Variants in AATK observed in about 807,000 individuals in gnomAD.
AATK encodes lemur tail kinase 1.
Under a neutral mutation model 114.3 loss-of-function variants are expected in AATK, and 91 were observed. The observed-to-expected ratio is 0.80, with a 90% CI of 0.67 to 0.95. The LOEUF is 0.95. AATK is among the 40% of genes least tolerant of loss of function. The probability of loss-of-function intolerance (pLI) is 0.00; values close to 1 mark genes in which losing one functional copy is unlikely to be tolerated. For missense variants in AATK, 2,176 were observed against 1,965.2 expected, an observed-to-expected ratio of 1.11 and a Z score of -2.03; for synonymous variants, 1,075 against 916.5, an observed-to-expected ratio of 1.17 and a Z score of -3.12.
chr17:81,123,827 G>A (rs927725775), intron 9 of AATK, among the ~76,000 whole-genome samples: 7 of 152,188 alleles, frequency 4.6e-5, no homozygotes, highest in Non-Finnish European at 7.4e-5. Context: ...GCGTGCAGGC[G>A]GGTAGGGTAA....
intron 9 of AATK, 48 bp downstream of exon 9, chr17:81,124,679 G>A: frequency 1.3e-6 from 2 of 1,597,892 alleles, no homozygotes; most frequent in South Asian, 1.1e-5. Context: ...GGGTGGGCAG[G>A]TGGCACTCGG....
intron 1 of AATK, among the ~76,000 whole-genome samples, chr17:81,159,334 G>C (rs973935331): frequency 4.6e-5 from 7 of 152,132 alleles, no homozygotes; most frequent in Non-Finnish European, 8.8e-5. Context: ...GGAGGGCGCC[G>C]GCGGCCTGCG....
In AATK at chr17:81,156,236, C is replaced by T. The variant is rs182540306; in HGVS notation, c.55+9702G>A. The stretch of plus-strand genomic sequence containing the variant: ...TGTTACCATGTTACAATGTATGTTA[C>T]TATGTTACAATGTATGTTACCATGT... On this transcript the variant is annotated intron_variant, in intron 1 of 13. Transcript: ENST00000326724. Among the ~76,000 whole-genome samples the T allele has an allele frequency of 1.3e-4, 20 of 150,276 alleles. No individual in the cohort carries two copies. The East Asian group carries it at 3.1e-3, about 24-fold the overall frequency.
chr17:81,119,540 C>A lies in AATK; in HGVS notation c.3924G>T (p.Thr1308=). 1 of 1,580,254 alleles carries A rather than the reference C, an allele frequency of 6.3e-7. No homozygotes were observed. The change falls in exon 13 of 14, where the codon ACG becomes ACT. Residue 1308 remains threonine (T), a synonymous_variant. Transcript: ENST00000326724. The part of the protein sequence containing the change: ...FAWDDDFPLM[T]AKAAFAMALD... Reference sequence around the variant, plus strand: ...GGGCCATGGCGAAGGCTGCCTTGGCCGTCATCAGCGGGAAGTCGTCGTCCC... The same window carrying A: ...GGGCCATGGCGAAGGCTGCCTTGGCAGTCATCAGCGGGAAGTCGTCGTCCC...
rs375456982 is a variant in AATK, at chr17:81,120,377, T to C, written c.3559A>G (p.Ser1187Gly). The change falls in exon 11 of 14, where the codon AGC (serine) becomes GGC (glycine). Residue 1187 changes from serine (S) to glycine (G), a missense_variant. Coordinates refer to ENST00000326724, the MANE Select transcript of AATK (RefSeq NM_001080395.3). ...GGCACCGCCGGCGCCTCCTCTTCGC[T>C]GTCCTCGCTAGGCTCCTGGACGCTG... ...CYSVQEPSEDSEEEAPAVPVV... is the reference protein window; with the variant it reads ...CYSVQEPSEDGEEEAPAVPVV... 1.2e-6 allele frequency: 2 copies of C among 1,608,376 alleles called. No homozygotes were observed. The highest frequency in any genetic ancestry group is 1.7e-6 in the Non-Finnish European group (2 of 1,177,996).
intron 10 of AATK, 57 bp from the exon 11 acceptor site, chr17:81,122,880 C>T (rs1205302459): frequency 7.2e-7 from 1 of 1,382,482 alleles, no homozygotes; most frequent in African/African-American, 1.5e-5. Flanking sequence ...GGAACGCGTC[C>T]CTGGAGCAGG....
At chr17:81,153,607 G>A (rs1296121146) in intron 1 of AATK, among the ~76,000 whole-genome samples, 6 of 152,296 alleles carry the variant, frequency 3.9e-5, no homozygotes, top group East Asian at 3.9e-4. Flanking sequence ...ATGAGAGGAT[G>A]CTTTGTGATG....
chr17:81,140,695 T>G (rs1422027890), intron 1 of AATK, among the ~76,000 whole-genome samples: 887 of 37,158 alleles, frequency 0.024, 6 homozygotes, highest in Middle Eastern at 0.077. Flanking sequence ...GTGGGGCCGT[T>G]GAGCTGTGGG....
At chr17:81,153,368 C>G (rs6565542) in intron 1 of AATK, among the ~76,000 whole-genome samples, 24,318 of 152,094 alleles carry the variant, frequency 0.16, 2,867 homozygotes, top group African/African-American at 0.33. Flanking sequence ...TTCTAACAGT[C>G]AATTTGAAGA....
rs978008842 is a variant in AATK, at chr17:81,126,905, A to C, written c.622-345T>G. The C allele has an allele frequency of 9.2e-7, 1 of 1,085,054 alleles. No homozygotes were observed. Among genetic ancestry groups the C allele is most frequent in the Non-Finnish European group, 1.1e-6 (1 of 877,486 alleles). 67.2% of individuals were successfully genotyped at this position (1,085,054 alleles called of 1,614,324 possible). On this transcript the variant is annotated intron_variant, in intron 6 of 13. Coordinates refer to ENST00000326724, the MANE Select transcript of AATK (RefSeq NM_001080395.3). The surrounding 1 kb of genome is among the most constrained non-coding windows in gnomAD (Gnocchi z 5.1). ...GTCGAGGGTTGGCCGGCAGCCCCTG[A>C]CCTGCCGAAAGCCCAGCCCCGGGAC...
At chr17:81,134,776 G>A (rs1166133228) in intron 1 of AATK, among the ~76,000 whole-genome samples, 2 of 152,348 alleles carry the variant, frequency 1.3e-5, no homozygotes, top group East Asian at 1.9e-4. Context: ...CAATTCTGGG[G>A]TTCAGATACC....
Position 81,117,355 on chromosome 17 carries a change from C to G in AATK, c.*1047G>C, listed in dbSNP as rs1026042173. 1 of 152,302 alleles carries G rather than the reference C, an allele frequency of 6.6e-6. No individual in the cohort carries two copies. The highest frequency in any genetic ancestry group is 1.5e-5 in the Non-Finnish European group (1 of 68,062). 9.4% of individuals were successfully genotyped at this position (152,302 alleles called of 1,614,324 possible). A position where few individuals can be genotyped will look rare whatever the true frequency, so the allele number is the denominator to read the frequency against. On this transcript the variant is annotated 3_prime_UTR_variant, in exon 14 of 14. Transcript: ENST00000326724. ...AAGGAACAAGAAAACATTGCACCAG[C>G]GTTCTAAGCCTCAAACAAAACACAA... is the stretch of plus-strand genomic sequence containing the variant.
intron 2 of AATK, chr17:81,132,601 C>A: frequency 4.1e-6 from 1 of 244,722 alleles, no homozygotes; most frequent in Non-Finnish European, 8.7e-6. Flanking sequence ...TGTAGAGGGG[C>A]CCAGGACACA....
At chr17:81,133,374 G>A (rs1458971590) in intron 2 of AATK, 1 of 344,588 alleles carries the variant, frequency 2.9e-6, no homozygotes, top group Admixed American at 3.9e-5. Flanking sequence ...AGGACTCTGG[G>A]ACTGTCTCCC....
chr17:81,133,098 C>T, intron 2 of AATK: 1 of 387,084 alleles, frequency 2.6e-6, no homozygotes, highest in Non-Finnish European at 5.1e-6. Flanking sequence ...AGGGGTACAT[C>T]CCAGAGCAGG....
chr17:81,127,745 A>T (rs770663981), intron 5 of AATK, 47 bp downstream of exon 5: 1 of 1,509,016 alleles, frequency 6.6e-7, no homozygotes, highest in Non-Finnish European at 9.0e-7. Flanking sequence ...GGGGAGGGAG[A>T]GGAGGGGGCC....
At chr17:81,148,655 C>T (rs74002072) in intron 1 of AATK, among the ~76,000 whole-genome samples, 3,855 of 152,302 alleles carry the variant, frequency 0.025, 124 homozygotes, top group East Asian at 0.18. Context: ...GAGGTGCCTG[C>T]GGCACACCTG....
At chr17:81,146,034 C>A (rs186891518) in intron 1 of AATK, among the ~76,000 whole-genome samples, 1 of 151,176 alleles carries the variant, frequency 6.6e-6, no homozygotes, top group Non-Finnish European at 1.5e-5. Context: ...CAAAAAAATA[C>A]AAAAATTGGC....
intron 3 of AATK, 42 bp from the exon 4 acceptor site, chr17:81,128,591 G>A (rs1329850969): frequency 1.0e-5 from 16 of 1,546,952 alleles, no homozygotes; most frequent in Admixed American, 3.9e-5. Context: ...TGTGGCCTCC[G>A]CACCCCCCAG....
Sources: allele counts gnomAD v4.1 joint callset (sites outside exome capture counted in the v4.1 genomes callset), GRCh38; gene constraint gnomAD v4.1.1; non-coding constraint Gnocchi (gnomAD v3.1); transcripts MANE v1.5; gene names NCBI Gene and HGNC (gene_info 2026-07-23, HGNC 2026-07-21).